BCL11A: variants seen among roughly 807,000 people sequenced by gnomAD.
BCL11A encodes the protein BCL11 transcription factor A, also known as B cell CLL/lymphoma 11A.
In BCL11A, 2 loss-of-function variants were observed where a neutral mutation model predicts 55.9. The observed-to-expected ratio is 0.04, with a 90% CI of 0.01 to 0.11. The LOEUF (loss-of-function observed/expected upper bound fraction) is 0.11. Among genes scored for constraint, BCL11A ranks in the 10% least tolerant of loss-of-function variants. BCL11A has a pLI of 1.00. For missense variants in BCL11A, 817 were observed against 1,137.1 expected (o/e 0.72, Z 4.05); for synonymous variants, 465 against 473.4 (o/e 0.98, Z 0.23).
chr2:60,511,634 A>C (rs1679992314), intron 2 of BCL11A, among the ~76,000 whole-genome samples: 1 of 152,212 alleles, frequency 6.6e-6, no homozygotes, highest in Admixed American at 6.5e-5. Flanking sequence ...ACATAACTGC[A>C]CTATTAATGA....
intron 2 of BCL11A, among the ~76,000 whole-genome samples, chr2:60,486,458 C>T (rs1558635930): frequency 1.3e-5 from 2 of 152,216 alleles, no homozygotes; most frequent in Non-Finnish European, 2.9e-5. Flanking sequence ...TAGGCACACA[C>T]ACACACATTT....
Position 60,468,823 on chromosome 2 carries a change from C to A in BCL11A, c.396G>T (p.Leu132=), listed in dbSNP as rs759119128. ...GAGGGGAGGAGAGGCCCCTCCAGTG[C>A]AGAAGTTTATCTGTGAAAGAAACCC... The part of the protein sequence containing the change: ...PKQEHIADKL[L]HWRGLSSPRS... The change falls in exon 3 of 4, where the codon CTG becomes CTT. Residue 132 remains leucine, a synonymous_variant. Transcript: ENST00000642384. 110 of 1,606,968 alleles carry A rather than the reference C, an allele frequency of 6.8e-5. No individual in the cohort carries two copies. The highest frequency in any genetic ancestry group is 9.2e-5 in the Non-Finnish European group (108 of 1,178,102).
chr2:60,460,213 AAAAAC>A lies in BCL11A; in HGVS notation c.*186_*190del. The A allele has an allele frequency of 7.6e-7, 1 of 1,310,902 alleles. No individual in the cohort carries two copies. Among genetic ancestry groups the A allele is most frequent in the East Asian group, 2.9e-5 (1 of 34,838 alleles). The allele number at this position is 1,310,902 out of a possible 1,614,324, so 81.2% of individuals were successfully genotyped here. On this transcript the variant is annotated 3_prime_UTR_variant, in exon 4 of 4. Transcript: ENST00000642384. ...AAGAAAAAAGAAAAAGAAAAAGAAAAAAAACAGGTGTGCTGGTGACAAGCACTCTC... is the reference window on the plus strand; with the variant it reads ...AAGAAAAAAGAAAAAGAAAAAGAAAAAGGTGTGCTGGTGACAAGCACTCTC...
Position 60,458,017 on chromosome 2 carries a change from T to C in BCL11A, c.*2387A>G, listed in dbSNP as rs1676028212. The C allele has an allele frequency of 9.7e-7, 1 of 1,033,764 alleles. No homozygotes were observed. The highest frequency in any genetic ancestry group is 4.6e-5 in the South Asian group (1 of 21,698). The allele number at this position is 1,033,764 out of a possible 1,614,324, so 64.0% of individuals were successfully genotyped here. On this transcript the variant is annotated 3_prime_UTR_variant, in exon 4 of 4. Coordinates refer to ENST00000642384, the MANE Select transcript of BCL11A (RefSeq NM_022893.4). ...ATTATCCTGCCAAATTAAAAAAATA[T>C]ACTGTGGCAGCCTGTCTTTTTTTTT...
At chr2:60,510,514 C>T (rs1303556097) in intron 2 of BCL11A, among the ~76,000 whole-genome samples, 1 of 152,108 alleles carries the variant, frequency 6.6e-6, no homozygotes, top group Non-Finnish European at 1.5e-5. Flanking sequence ...CCCCTCTTCC[C>T]CACCTTATTT....
At chr2:60,514,146 G>A (rs892031299) in intron 2 of BCL11A, among the ~76,000 whole-genome samples, 2 of 152,140 alleles carry the variant, frequency 1.3e-5, no homozygotes, top group African/African-American at 4.8e-5. Context: ...CACTCTCTGA[G>A]AGGCTTCCAG....
intron 3 of BCL11A, among the ~76,000 whole-genome samples, chr2:60,464,148 T>C (rs1461266594): frequency 6.6e-6 from 1 of 152,074 alleles, no homozygotes; most frequent in African/African-American, 2.4e-5. Context: ...ATAATCCCAC[T>C]CAATATATCT....
intron 2 of BCL11A, among the ~76,000 whole-genome samples, chr2:60,499,498 G>A (rs1014557261): frequency 7.9e-5 from 12 of 152,162 alleles, no homozygotes; most frequent in Non-Finnish European, 1.5e-4. Context: ...TGACTTGTCC[G>A]GGGCCACCTA....
chr2:60,552,894 G>T lies in BCL11A; in HGVS notation c.55+322C>A, dbSNP rs550645246. Among the ~76,000 whole-genome samples, 6 of 152,070 alleles carry T rather than the reference G, an allele frequency of 3.9e-5. No individual in the cohort carries two copies. In the East Asian group the frequency reaches 5.8e-4, roughly 15 times the overall value. ...ATTATTTTGCAAAACTGGCGGGGCG[G>T]GGGGGGAGTGGAATCATTGCATTCC... On this transcript the variant is annotated intron_variant, in intron 1 of 3. Coordinates refer to ENST00000642384, the MANE Select transcript of BCL11A (RefSeq NM_022893.4).
intron 3 of BCL11A, 75 bp from the exon 4 acceptor site, chr2:60,462,499 A>C: frequency 2.6e-6 from 4 of 1,527,916 alleles, no homozygotes; most frequent in Non-Finnish European, 2.6e-6. Flanking sequence ...TTTATGTTCC[A>C]CCTCCAGCCT....
chr2:60,504,643 G>C (rs79680345), intron 2 of BCL11A, among the ~76,000 whole-genome samples: 1,976 of 152,266 alleles, frequency 0.013, 48 homozygotes, highest in African/African-American at 0.045. Flanking sequence ...TAGTCAGAAC[G>C]TTCTCTCAGC....
At chr2:60,552,170 C>A (rs925051796) in intron 1 of BCL11A, among the ~76,000 whole-genome samples, 2 of 150,762 alleles carry the variant, frequency 1.3e-5, no homozygotes, top group Non-Finnish European at 3.0e-5. Flanking sequence ...AAGAGAAGGC[C>A]GTCACAGAAA....
At chr2:60,497,158 T>C (rs997661256) in intron 2 of BCL11A, among the ~76,000 whole-genome samples, 2 of 152,224 alleles carry the variant, frequency 1.3e-5, no homozygotes, top group Non-Finnish European at 2.9e-5. Context: ...CTAGAGCTAT[T>C]TCCTTGCAGC....
chr2:60,552,887 C>CG (rs35121023), intron 1 of BCL11A, among the ~76,000 whole-genome samples: 65 of 150,544 alleles, frequency 4.3e-4, no homozygotes, highest in African/African-American at 1.6e-3. Flanking sequence ...GCAAAACTGG[C>CG]GGGGCGGGGG....
intron 2 of BCL11A, among the ~76,000 whole-genome samples, chr2:60,469,178 G>C (rs1383128893): frequency 2.0e-5 from 3 of 152,178 alleles, no homozygotes; most frequent in Admixed American, 6.5e-5. Flanking sequence ...GTAATATTGT[G>C]GGTAGCCTGG....
Position 60,461,466 on chromosome 2 carries a change from G to C in BCL11A, c.1446C>G (p.Asn482Lys), listed in dbSNP as rs766683049. 2.5e-6 allele frequency: 4 copies of C among 1,604,306 alleles called. No individual in the cohort carries two copies. Among genetic ancestry groups the C allele is most frequent in the Non-Finnish European group, 3.4e-6 (4 of 1,179,600 alleles). ...SENDPNLIPE[N>K]GDEEEEEDDE... ...CGTCCTCCTCTTCCTCCTCGTCCCCGTTCTCCGGGATCAGGTTGGGGTCGT... is the reference window on the plus strand; with the variant it reads ...CGTCCTCCTCTTCCTCCTCGTCCCCCTTCTCCGGGATCAGGTTGGGGTCGT... The change falls in exon 4 of 4, where the codon AAC (asparagine) becomes AAG (lysine). Residue 482 changes from asparagine to lysine, a missense_variant. Around this residue, in one of 4 missense-constraint regions of BCL11A, gnomAD observed 379 missense variants for 425.3 expected, o/e 0.89. Transcript: ENST00000642384.
intron 2 of BCL11A, among the ~76,000 whole-genome samples, chr2:60,497,211 A>T (rs796108688): frequency 1.6e-4 from 25 of 152,326 alleles, no homozygotes; most frequent in African/African-American, 5.8e-4. Flanking sequence ...GTAGCTAATG[A>T]CCTGTAAACA....
chr2:60,512,663 T>C (rs971875707), intron 2 of BCL11A, among the ~76,000 whole-genome samples: 3 of 152,196 alleles, frequency 2.0e-5, no homozygotes, highest in African/African-American at 7.2e-5. Flanking sequence ...CCCCAGCAAC[T>C]CCATTTTGCA....
intron 2 of BCL11A, among the ~76,000 whole-genome samples, chr2:60,517,496 C>G (rs561770328): frequency 2.4e-4 from 36 of 152,344 alleles, no homozygotes; most frequent in Non-Finnish European, 4.4e-4. Flanking sequence ...TTACCATGGG[C>G]TCCCCAGGTT....
Sources: gnomAD v4.1 joint callset for allele counts (sites outside exome capture counted in the v4.1 genomes callset) on GRCh38, gnomAD v4.1.1 for gene constraint, gnomAD v4.1.1 regional missense constraint, MANE v1.5 for transcripts, NCBI Gene and HGNC (gene_info 2026-07-23, HGNC 2026-07-21) for gene names.